TEN1: variants seen among roughly 807,000 people sequenced by gnomAD.
TEN1 encodes the protein TEN1 subunit of CST complex.
Under a neutral mutation model 9.3 loss-of-function variants are expected in TEN1, and 6 were observed. That is an observed-to-expected ratio of 0.65 (90% confidence interval 0.35 to 1.27). TEN1 has a LOEUF of 1.27. Ranked by LOEUF, TEN1 falls within the 50% of genes most tolerant of loss-of-function variation. The probability of loss-of-function intolerance (pLI) is 0.03; values close to 1 mark genes in which losing one functional copy is unlikely to be tolerated. For missense variants in TEN1, 149 were observed against 158.2 expected, an observed-to-expected ratio of 0.94 and a Z score of 0.31; for synonymous variants, 65 against 65.6, an observed-to-expected ratio of 0.99 and a Z score of 0.04.
At position 75,986,228 on chromosome 17, in the gene TEN1, C is replaced by G. The variant is rs143012498; in HGVS notation, c.36C>G (p.Pro12=). 725 of 1,549,996 alleles carry G rather than the reference C, an allele frequency of 4.7e-4. 2 individuals are homozygous for G. Among genetic ancestry groups the G allele is most frequent in the Middle Eastern group, 2.3e-3 (14 of 5,976 alleles). The change falls in exon 2 of 4, where the codon CCC becomes CCG. Residue 12 remains proline (P), a synonymous_variant. Coordinates refer to ENST00000397640, the MANE Select transcript of TEN1 (RefSeq NM_001113324.3). ...CCAAACCTGGGACCTATTACCTCCC[C>G]TGGGAGGTTAGTGCAGGCCAAGTTC... ...MLPKPGTYYL[P]WEVSAGQVPD...
intron 2 of TEN1, 100 bp from the exon 3 acceptor site, chr17:75,991,366 C>A: frequency 7.7e-7 from 1 of 1,293,154 alleles, no homozygotes; most frequent in Non-Finnish European, 1.1e-6. Flanking sequence ...GAGACTGAGG[C>A]TGAACACTTT....
intron 2 of TEN1, among the ~76,000 whole-genome samples, chr17:75,990,953 C>A (rs1309944233): frequency 6.6e-6 from 1 of 151,316 alleles, no homozygotes; most frequent in Non-Finnish European, 1.5e-5. Context: ...AGTTGGAGAC[C>A]AGCCTGGACA....
chr17:76,000,488 AGGTGGCCGAGCTTGGGCGCC>A lies in TEN1; in HGVS notation c.*229_*248del. On this transcript the variant is annotated 3_prime_UTR_variant, in exon 4 of 4. Transcript: ENST00000397640. The surrounding 1 kb of genome is among the most constrained non-coding windows in gnomAD (Gnocchi z 5.9). ...CGACAGCCCCACCCCAGGAGACTGC[AGGTGGCCGAGCTTGGGCGCC>A]GGGGCCGTGCTTGGTGTGGGGCCAT... is the stretch of plus-strand genomic sequence containing the variant. 1.6e-6 allele frequency: 1 copy of A among 626,668 alleles called. No individual in the cohort carries two copies. Among genetic ancestry groups the A allele is most frequent in the Non-Finnish European group, 2.5e-6 (1 of 394,608 alleles). 38.8% of individuals were successfully genotyped at this position (626,668 alleles called of 1,614,324 possible). A position where few individuals can be genotyped will look rare whatever the true frequency, so the allele number is the denominator to read the frequency against.
At chr17:75,992,443 G>A (rs1053254695) in intron 3 of TEN1, among the ~76,000 whole-genome samples, 14 of 151,860 alleles carry the variant, frequency 9.2e-5, no homozygotes, top group Admixed American at 7.2e-4. Flanking sequence ...TGGGATGAGG[G>A]ATCTGCGTGC....
At chr17:75,983,264 G>C (rs1419661745) in intron 1 of TEN1, among the ~76,000 whole-genome samples, 1 of 152,072 alleles carries the variant, frequency 6.6e-6, no homozygotes, top group Non-Finnish European at 1.5e-5. Context: ...CTGGCAGACA[G>C]AGCGAGACTC....
chr17:75,990,124 C>G lies in TEN1; in HGVS notation c.93-1342C>G, dbSNP rs568618075. Among the ~76,000 whole-genome samples, 143 of 151,556 alleles carry G rather than the reference C, an allele frequency of 9.4e-4. No homozygotes were observed. The Middle Eastern group carries it at 0.024, about 25-fold the overall frequency. On this transcript the variant is annotated intron_variant, in intron 2 of 3. Transcript: ENST00000397640. ...GCAGTGGTACGATCTCGGCTCACTG[C>G]AGCCTCTGCCTCTTGGGCTCCAGTG...
rs370519784 is a variant in TEN1, at chr17:75,979,396, T to C, written c.-122T>C. The C allele has an allele frequency of 8.1e-6, 4 of 491,554 alleles. No individual in the cohort carries two copies. The Admixed American group carries it at 1.0e-4, about 12-fold the overall frequency. 30.4% of individuals were successfully genotyped at this position (491,554 alleles called of 1,614,324 possible). On this transcript the variant is annotated 5_prime_UTR_variant, in exon 1 of 4. Transcript: ENST00000397640. ...GGCTCCGAAGGTCAAGAAACTGCCC[T>C]GCTGGGCGTCCGGGGAGTGGGAAAA...
rs540810399 is a variant in TEN1, at chr17:75,979,372, G to T, written c.-146G>T. 2.2e-5 allele frequency: 12 copies of T among 535,184 alleles called. No homozygotes were observed. The highest frequency in any genetic ancestry group is 4.1e-5 in the Non-Finnish European group (12 of 295,814). The allele number at this position is 535,184 out of a possible 1,614,324, so 33.2% of individuals were successfully genotyped here. ...TCCCGAGCGGATCCTCGGGAAAGGG[G>T]CTCCGAAGGTCAAGAAACTGCCCTG... On this transcript the variant is annotated 5_prime_UTR_variant, in exon 1 of 4. Coordinates refer to ENST00000397640, the MANE Select transcript of TEN1 (RefSeq NM_001113324.3).
At chr17:75,990,844 G>A (rs1422032679) in intron 2 of TEN1, among the ~76,000 whole-genome samples, 1 of 149,464 alleles carries the variant, frequency 6.7e-6, no homozygotes, top group Non-Finnish European at 1.5e-5. Context: ...GACATAGAAA[G>A]CAAAAGTCAT....
chr17:75,996,292 C>T (rs574020591), intron 3 of TEN1, among the ~76,000 whole-genome samples: 4 of 152,036 alleles, frequency 2.6e-5, no homozygotes, highest in African/African-American at 9.6e-5. Context: ...TCGAGACCGG[C>T]CTGACCAACA....
chr17:75,980,878 C>G (rs2066113579), intron 1 of TEN1, among the ~76,000 whole-genome samples: 1 of 152,204 alleles, frequency 6.6e-6, no homozygotes, highest in African/African-American at 2.4e-5. Context: ...CTGCTGATCT[C>G]AGGCCCCTTC....
chr17:75,986,423 C>T (rs1156465729), intron 2 of TEN1, 139 bp downstream of exon 2: 4 of 831,114 alleles, frequency 4.8e-6, no homozygotes, highest in South Asian at 4.4e-5. Flanking sequence ...AATTAGTTGC[C>T]GGGCGCGGTG....
intron 3 of TEN1, among the ~76,000 whole-genome samples, chr17:75,999,671 C>T (rs983745019): frequency 6.6e-6 from 1 of 152,066 alleles, no homozygotes; most frequent in African/African-American, 2.4e-5. Flanking sequence ...AAAAGTCTCT[C>T]GGAGATGTCT....
At chr17:75,998,549 A>T (rs770604988) in intron 3 of TEN1, among the ~76,000 whole-genome samples, 5 of 152,214 alleles carry the variant, frequency 3.3e-5, no homozygotes, top group African/African-American at 1.2e-4. Flanking sequence ...GGTAGCCTGT[A>T]TAGACAGCTA....
Position 75,979,509 on chromosome 17 carries a change from C to G in TEN1, c.-9C>G. ...ATCCGAGGACCGGCGACGCCTAGAA[C>G]AGGTTGGCTGGGGCCTTGGGAAGGG... On this transcript the variant is annotated splice_region_variant and 5_prime_UTR_variant, in exon 1 of 4. Coordinates refer to ENST00000397640, the MANE Select transcript of TEN1 (RefSeq NM_001113324.3). 3.1e-6 allele frequency: 1 copy of G among 324,778 alleles called. No homozygotes were observed. The highest frequency in any genetic ancestry group is 6.0e-6 in the Non-Finnish European group (1 of 165,910). The allele number at this position is 324,778 out of a possible 1,614,324, so 20.1% of individuals were successfully genotyped here.
intron 2 of TEN1, among the ~76,000 whole-genome samples, chr17:75,987,643 G>C (rs2066159656): frequency 6.6e-6 from 1 of 152,124 alleles, no homozygotes; most frequent in Non-Finnish European, 1.5e-5. Context: ...TAGGCCAGGT[G>C]CGGTGGCTCA....
intron 3 of TEN1, among the ~76,000 whole-genome samples, chr17:75,994,416 A>G (rs1488413534): frequency 1.4e-5 from 2 of 147,898 alleles, no homozygotes; most frequent in Non-Finnish European, 3.0e-5. Flanking sequence ...CCTGGGCAAC[A>G]AGAGCAAAAC....
At chr17:75,999,006 C>CT (rs898875760) in intron 3 of TEN1, among the ~76,000 whole-genome samples, 4 of 148,354 alleles carry the variant, frequency 2.7e-5, no homozygotes, top group East Asian at 2.0e-4. Context: ...ATTTTTTTAA[C>CT]TTTTTTTTTT....
chr17:75,997,294 A>G (rs2066223408), intron 3 of TEN1, among the ~76,000 whole-genome samples: 1 of 152,120 alleles, frequency 6.6e-6, no homozygotes, highest in Non-Finnish European at 1.5e-5. Context: ...CAATGATTTC[A>G]GGGGCTCACT....
Sources: gnomAD v4.1 joint callset for allele counts (sites outside exome capture counted in the v4.1 genomes callset) on GRCh38, gnomAD v4.1.1 for gene constraint, Gnocchi (gnomAD v3.1) non-coding constraint, MANE v1.5 for transcripts, NCBI Gene and HGNC (gene_info 2026-07-23, HGNC 2026-07-21) for gene names.